Variants in SMYD3 observed in about 807,000 individuals in gnomAD.
The protein encoded by SMYD3 is SET and MYND domain containing 3, also known as histone-lysine N-methyltransferase SMYD3.
Under a neutral mutation model 57.7 loss-of-function variants are expected in SMYD3, and 36 were observed. That is an observed-to-expected ratio of 0.62 (90% CI 0.48 to 0.82). The LOEUF (loss-of-function observed/expected upper bound fraction) is 0.82. SMYD3 is among the 40% of genes least tolerant of loss of function. The pLI, the probability that SMYD3 is intolerant of heterozygous loss-of-function variation, is 0.00. For missense variants in SMYD3, 515 were observed against 538.8 expected, an observed-to-expected ratio of 0.96 and a Z score of 0.44; for synonymous variants, 211 against 195.0, an observed-to-expected ratio of 1.08 and a Z score of -0.68.
chr1:245,876,139 C>T (rs2052473077), intron 8 of SMYD3, among the ~76,000 whole-genome samples: 1 of 152,208 alleles, frequency 6.6e-6, no homozygotes, highest in African/African-American at 2.4e-5. Flanking sequence ...GACATGCCCA[C>T]ATACACACAC....
chr1:245,767,818 C>A (rs548885074), intron 10 of SMYD3, among the ~76,000 whole-genome samples: 1 of 152,086 alleles, frequency 6.6e-6, no homozygotes, highest in African/African-American at 2.4e-5. Flanking sequence ...GACACACACG[C>A]GCAAAGCTAG....
chr1:245,965,276 T>TA (rs2058111517), intron 5 of SMYD3, among the ~76,000 whole-genome samples: 1 of 152,198 alleles, frequency 6.6e-6, no homozygotes, highest in South Asian at 2.1e-4. Flanking sequence ...GAATTGGGAA[T>TA]ATTTTGTTAT....
rs1473794987 is a variant in SMYD3 at position 245,947,980 on chromosome 1, C to G, written c.532-18043G>C. Among the ~76,000 whole-genome samples, 4 of 152,276 alleles carry G rather than the reference C, an allele frequency of 2.6e-5. No individual in the cohort carries two copies. In the South Asian group the frequency reaches 8.3e-4, roughly 32 times the overall value. On this transcript the variant is annotated intron_variant, in intron 5 of 11. Transcript: ENST00000490107. ...CTTGGCCAAATTCAGAGGAGATTCA[C>G]GCCTCTGAATCTCCTAGGTCCATCC...
chr1:246,359,616 T>G (rs1285633612), intron 1 of SMYD3, among the ~76,000 whole-genome samples: 1 of 152,180 alleles, frequency 6.6e-6, no homozygotes, highest in Non-Finnish European at 1.5e-5. Context: ...TAATTCATCA[T>G]GATCAAGCGG....
chr1:246,124,857 G>T (rs1453558634), intron 5 of SMYD3, among the ~76,000 whole-genome samples: 1 of 151,982 alleles, frequency 6.6e-6, no homozygotes, highest in East Asian at 1.9e-4. Flanking sequence ...AAATCTGGGC[G>T]GATCATGAGG....
Position 246,355,535 on chromosome 1 carries a change from C to T in SMYD3, c.165-441G>A, listed in dbSNP as rs929619189. 6.6e-6 allele frequency among the ~76,000 whole-genome samples: 1 copy of T among 152,122 alleles called. No individual in the cohort carries two copies. The highest frequency in any genetic ancestry group is 2.1e-4 in the South Asian group (1 of 4,818). ...CCTGCTTGCTCAGCAGGGAGGCTGG[C>T]GGTCTGGGGCAAGTTCTCAGCCACA... On this transcript the variant is annotated intron_variant, in intron 1 of 11. Transcript: ENST00000490107. The surrounding 1 kb of genome is among the most constrained non-coding windows in gnomAD (Gnocchi z 5.0).
At chr1:246,216,316 T>G (rs2063163584) in intron 5 of SMYD3, among the ~76,000 whole-genome samples, 2 of 147,070 alleles carry the variant, frequency 1.4e-5, no homozygotes, top group African/African-American at 5.0e-5. Flanking sequence ...TAAGCAGACT[T>G]CAGGAAAATG....
intron 10 of SMYD3, among the ~76,000 whole-genome samples, chr1:245,802,613 G>A (rs989366350): frequency 6.6e-6 from 1 of 152,148 alleles, no homozygotes; most frequent in Non-Finnish European, 1.5e-5. Context: ...TATAGCCTAG[G>A]GCCTGGCTTT....
At chr1:246,100,765 C>G (rs1243881907) in intron 5 of SMYD3, among the ~76,000 whole-genome samples, 1 of 152,180 alleles carries the variant, frequency 6.6e-6, no homozygotes, top group Non-Finnish European at 1.5e-5. Flanking sequence ...GGACGATCCA[C>G]AGCAAACCCA....
At chr1:246,120,788 A>C (rs1329892864) in intron 5 of SMYD3, among the ~76,000 whole-genome samples, 3 of 152,116 alleles carry the variant, frequency 2.0e-5, no homozygotes, top group Non-Finnish European at 2.9e-5. Flanking sequence ...AGACACTCTG[A>C]ATGTATTTGG....
chr1:245,895,568 A>T (rs2053717369), intron 8 of SMYD3, among the ~76,000 whole-genome samples: 1 of 152,238 alleles, frequency 6.6e-6, no homozygotes, highest in Non-Finnish European at 1.5e-5. Context: ...TAGACTCAGT[A>T]CCATAAAAAC....
chr1:246,481,187 T>G (rs1242361176), intron 1 of SMYD3, among the ~76,000 whole-genome samples: 1 of 152,122 alleles, frequency 6.6e-6, no homozygotes, highest in Non-Finnish European at 1.5e-5. Context: ...CCAAATACCT[T>G]CAATATGCCA....
chr1:246,063,852 C>T (rs2060296508), intron 5 of SMYD3, among the ~76,000 whole-genome samples: 1 of 152,094 alleles, frequency 6.6e-6, no homozygotes, highest in Non-Finnish European at 1.5e-5. Context: ...GTTCCCTACG[C>T]CAGTCTCGAA....
intron 1 of SMYD3, chr1:246,425,950 T>C (rs1012818850): frequency 3.3e-5 from 5 of 152,254 alleles, no homozygotes; most frequent in African/African-American, 1.2e-4. Flanking sequence ...GAGTATTTTA[T>C]CTTTTTTTCT....
intron 10 of SMYD3, among the ~76,000 whole-genome samples, chr1:245,771,915 G>C (rs1206374771): frequency 6.6e-6 from 1 of 152,164 alleles, no homozygotes; most frequent in East Asian, 1.9e-4. Flanking sequence ...AACCACCTCA[G>C]AACACGGAGA....
chr1:246,342,916 A>G (rs1161506549), intron 2 of SMYD3, among the ~76,000 whole-genome samples: 1 of 149,994 alleles, frequency 6.7e-6, no homozygotes, highest in African/African-American at 2.4e-5. Flanking sequence ...CCAAAAATAT[A>G]TGGCTCATAG....
At chr1:246,143,341 G>A (rs1321199677) in intron 5 of SMYD3, among the ~76,000 whole-genome samples, 3 of 152,116 alleles carry the variant, frequency 2.0e-5, no homozygotes, top group African/African-American at 7.2e-5. Context: ...GTATACAATA[G>A]GATTCTAAGT....
intron 5 of SMYD3, among the ~76,000 whole-genome samples, chr1:246,268,035 A>T (rs1474014370): frequency 6.6e-6 from 1 of 152,192 alleles, no homozygotes; most frequent in Non-Finnish European, 1.5e-5. Flanking sequence ...ATCACTTATC[A>T]ATTGGGAATT....
intron 8 of SMYD3, among the ~76,000 whole-genome samples, chr1:245,869,549 T>C (rs2052062030): frequency 6.6e-6 from 1 of 152,200 alleles, no homozygotes; most frequent in African/African-American, 2.4e-5. Flanking sequence ...AGCCTGTCTT[T>C]ATTTTAAACA....
Sources: gnomAD v4.1 joint callset for allele counts (sites outside exome capture counted in the v4.1 genomes callset) on GRCh38, gnomAD v4.1.1 for gene constraint, Gnocchi (gnomAD v3.1) non-coding constraint, MANE v1.5 for transcripts, NCBI Gene and HGNC (gene_info 2026-07-23, HGNC 2026-07-21) for gene names.